CENPP: variants seen among roughly 807,000 people sequenced by gnomAD.
The protein encoded by CENPP is centromere protein P.
CENPP carries 24 observed loss-of-function variants against 35.6 expected under a neutral mutation model. The observed-to-expected ratio is 0.67, with a 90% CI of 0.49 to 0.95. CENPP has a LOEUF of 0.95. Ranked by LOEUF, CENPP falls within the 40% of genes least tolerant of loss-of-function variation. The probability of loss-of-function intolerance (pLI) is 0.00; values close to 1 mark genes in which losing one functional copy is unlikely to be tolerated. For synonymous variants in CENPP, 120 were observed against 125.5 expected, an observed-to-expected ratio of 0.96 and a Z score of 0.29; for missense variants, 332 against 345.3, an observed-to-expected ratio of 0.96 and a Z score of 0.31.
intron 5 of CENPP, chr9:92,460,614 C>T: frequency 8.6e-7 from 1 of 1,156,500 alleles, no homozygotes; most frequent in Non-Finnish European, 1.3e-6. Flanking sequence ...TCACTAAGCC[C>T]AATTGACTAT....
At chr9:92,557,223 C>G (rs529266505) in intron 5 of CENPP, among the ~76,000 whole-genome samples, 1 of 152,140 alleles carries the variant, frequency 6.6e-6, no homozygotes, top group Non-Finnish European at 1.5e-5. Flanking sequence ...TTGTAGGTTA[C>G]CTGGTGCTTC....
At chr9:92,483,519 TGGCC>T (rs1484610230) in intron 5 of CENPP, among the ~76,000 whole-genome samples, 1 of 152,144 alleles carries the variant, frequency 6.6e-6, no homozygotes, top group Non-Finnish European at 1.5e-5. Context: ...TGAGCCACCA[TGGCC>T]GGCCTGAGAG....
chr9:92,601,226 A>G (rs1326575789), intron 5 of CENPP, among the ~76,000 whole-genome samples: 1 of 152,204 alleles, frequency 6.6e-6, no homozygotes, highest in Non-Finnish European at 1.5e-5. Context: ...CTGGTTAAAA[A>G]TCCACACAAT....
At chr9:92,428,452 G>A (rs1188596738) in intron 5 of CENPP, among the ~76,000 whole-genome samples, 1 of 152,060 alleles carries the variant, frequency 6.6e-6, no homozygotes, top group Non-Finnish European at 1.5e-5. Flanking sequence ...AGTGTCCCAG[G>A]TCCCACCAAA....
chr9:92,571,865 G>A (rs1463560938), intron 5 of CENPP, among the ~76,000 whole-genome samples: 1 of 147,984 alleles, frequency 6.8e-6, no homozygotes, highest in Non-Finnish European at 1.5e-5. Flanking sequence ...GACCTTTGTT[G>A]GTTTAAAGTC....
chr9:92,535,847 G>T (rs982299470), intron 5 of CENPP: 2 of 362,374 alleles, frequency 5.5e-6, no homozygotes, highest in African/African-American at 4.3e-5. Context: ...ATTTACTCAA[G>T]AGTTAAACAG....
intron 5 of CENPP, among the ~76,000 whole-genome samples, chr9:92,522,381 T>C (rs2131243872): frequency 6.6e-6 from 1 of 152,264 alleles, no homozygotes; most frequent in Admixed American, 6.5e-5. Context: ...CCACCGCGCC[T>C]GGCCCTATTT....
chr9:92,465,287 C>T (rs1263377634), intron 5 of CENPP, among the ~76,000 whole-genome samples: 1 of 152,178 alleles, frequency 6.6e-6, no homozygotes, highest in Non-Finnish European at 1.5e-5. Context: ...ATATCAGTGA[C>T]ATTTTCACTC....
At chr9:92,373,181 G>A (rs963522230) in intron 4 of CENPP, among the ~76,000 whole-genome samples, 26 of 151,972 alleles carry the variant, frequency 1.7e-4, no homozygotes, top group African/African-American at 6.3e-4. Context: ...CTAACACTTT[G>A]GGAGGCTGAG....
intron 5 of CENPP, among the ~76,000 whole-genome samples, chr9:92,498,408 C>T (rs929056625): frequency 6.6e-6 from 1 of 151,756 alleles, no homozygotes; most frequent in Non-Finnish European, 1.5e-5. Flanking sequence ...ATGTAACAAA[C>T]CTGCACGTTG....
chr9:92,463,592 C>T (rs1291711087), intron 5 of CENPP, among the ~76,000 whole-genome samples: 1 of 152,204 alleles, frequency 6.6e-6, no homozygotes, highest in African/African-American at 2.4e-5. Flanking sequence ...TCCTCCAGCC[C>T]TGTAGGCTGT....
chr9:92,550,460 A>G (rs1849564865), intron 5 of CENPP, among the ~76,000 whole-genome samples: 1 of 152,082 alleles, frequency 6.6e-6, no homozygotes, highest in African/African-American at 2.4e-5. Flanking sequence ...GGAATAATCT[A>G]ATGAAATAGT....
chr9:92,417,151 C>G (rs766012636), intron 5 of CENPP: 1 of 1,613,784 alleles, frequency 6.2e-7, no homozygotes, highest in South Asian at 1.1e-5. Flanking sequence ...GCTTAGCAAA[C>G]ACACCATAAT....
At chr9:92,343,852 A>T (rs989113970) in intron 3 of CENPP, among the ~76,000 whole-genome samples, 2 of 151,628 alleles carry the variant, frequency 1.3e-5, no homozygotes, top group African/African-American at 4.8e-5. Flanking sequence ...AGTCCTAGCC[A>T]CTTGGGAGGC....
chr9:92,601,153 C>T (rs964927327), intron 5 of CENPP, among the ~76,000 whole-genome samples: 1 of 152,210 alleles, frequency 6.6e-6, no homozygotes, highest in Non-Finnish European at 1.5e-5. Context: ...CACTGCATTC[C>T]TTTCTGCTTG....
At chr9:92,575,137 T>C (rs181557635) in intron 5 of CENPP, among the ~76,000 whole-genome samples, 1 of 152,314 alleles carries the variant, frequency 6.6e-6, no homozygotes, top group East Asian at 1.9e-4. Flanking sequence ...CTTCACTACA[T>C]TGGATTTGGC....
chr9:92,571,103 A>G (rs886554998), intron 5 of CENPP, among the ~76,000 whole-genome samples: 1 of 151,864 alleles, frequency 6.6e-6, no homozygotes, highest in African/African-American at 2.4e-5. Flanking sequence ...GATCTTAGTT[A>G]TTTCTTGCCT....
At chr9:92,532,153 A>C (rs1338013266) in intron 5 of CENPP, among the ~76,000 whole-genome samples, 1 of 147,208 alleles carries the variant, frequency 6.8e-6, no homozygotes, top group East Asian at 2.0e-4. Context: ...GAACTACCAC[A>C]CCCGGCTCGA....
intron 5 of CENPP, among the ~76,000 whole-genome samples, chr9:92,573,572 G>T (rs1382331489): frequency 6.6e-6 from 1 of 152,230 alleles, no homozygotes; most frequent in Non-Finnish European, 1.5e-5. Context: ...AAGGCGGTCT[G>T]TCCGTTCTCA....
Sources: gnomAD v4.1 joint callset for allele counts (sites outside exome capture counted in the v4.1 genomes callset) on GRCh38, gnomAD v4.1.1 for gene constraint, MANE v1.5 for transcripts, NCBI Gene and HGNC (gene_info 2026-07-23, HGNC 2026-07-21) for gene names.